The following CDH13 variants were observed in gnomAD, a reference collection of about 807,000 sequenced individuals.
CDH13 encodes the protein cadherin-13.
A neutral mutation model predicts 63.8 loss-of-function variants in CDH13; 24 were observed. The ratio of observed to expected loss-of-function variants is 0.38; its 90% confidence interval spans 0.27 to 0.53. CDH13 has a LOEUF of 0.53. Among genes scored for constraint, CDH13 ranks in the 20% least tolerant of loss-of-function variants. The pLI is 0.85. For missense variants in CDH13, 1,049 were observed against 903.1 expected (o/e 1.16, Z -2.07); for synonymous variants, 503 against 355.3 (o/e 1.42, Z -4.67).
chr16:83,112,913 G>A (rs1182442893), intron 3 of CDH13, among the ~76,000 whole-genome samples: 1 of 152,124 alleles, frequency 6.6e-6, no homozygotes, highest in Non-Finnish European at 1.5e-5. Context: ...TTTAAGACCG[G>A]CTTATAAATT....
At chr16:83,123,504 C>G (rs778517406) in intron 3 of CDH13, among the ~76,000 whole-genome samples, 1 of 152,108 alleles carries the variant, frequency 6.6e-6, no homozygotes, top group Non-Finnish European at 1.5e-5. Context: ...GTCTCAAACT[C>G]CCAACCTCAG....
intron 5 of CDH13, among the ~76,000 whole-genome samples, chr16:83,278,117 T>C (rs997567231): frequency 6.6e-6 from 1 of 151,340 alleles, no homozygotes; most frequent in African/African-American, 2.4e-5. Flanking sequence ...TGCTTTCCTT[T>C]AAAAAAAAAT....
intron 5 of CDH13, among the ~76,000 whole-genome samples, chr16:83,235,847 CTTTT>C (rs1362177649): frequency 6.6e-6 from 1 of 151,922 alleles, no homozygotes; most frequent in Non-Finnish European, 1.5e-5. Context: ...ACACTTTTTT[CTTTT>C]TTGTCACTCA....
At chr16:83,036,830 C>T (rs987959993) in intron 3 of CDH13, among the ~76,000 whole-genome samples, 2 of 152,154 alleles carry the variant, frequency 1.3e-5, no homozygotes, top group Admixed American at 6.6e-5. Context: ...TTTGGCTCCA[C>T]CTCAAGGATT....
intron 3 of CDH13, among the ~76,000 whole-genome samples, chr16:83,098,555 C>A (rs774501811): frequency 1.3e-5 from 2 of 152,172 alleles, no homozygotes; most frequent in African/African-American, 2.4e-5. Context: ...TGAATTCCTT[C>A]GCCTTTTGTA....
rs181105476 is a variant in CDH13, at chr16:83,356,165, T to C, written c.781+11159T>C. ...GTAATTCCAAAGTTGCTACCTTAAA[T>C]GTAAGAGAGCATTTTCTTACACAGA... On this transcript the variant is annotated intron_variant, in intron 6 of 13. Coordinates refer to ENST00000567109, the MANE Select transcript of CDH13 (RefSeq NM_001257.5). Among the ~76,000 whole-genome samples the C allele has an allele frequency of 4.8e-3, 725 of 152,116 alleles. 9 individuals are homozygous for C. The highest frequency in any genetic ancestry group is 0.017 in the African/African-American group (690 of 41,524).
intron 4 of CDH13, among the ~76,000 whole-genome samples, chr16:83,163,108 T>C (rs887010306): frequency 6.6e-6 from 1 of 152,216 alleles, no homozygotes; most frequent in African/African-American, 2.4e-5. Flanking sequence ...AATGAGAATT[T>C]CCCTGCACAA....
intron 3 of CDH13, among the ~76,000 whole-genome samples, chr16:83,087,019 T>C (rs1351446515): frequency 6.6e-6 from 1 of 152,228 alleles, no homozygotes; most frequent in Admixed American, 6.5e-5. Flanking sequence ...AAACTGGCTT[T>C]GGCGGACTAA....
At chr16:83,065,988 C>T (rs945256658) in intron 3 of CDH13, among the ~76,000 whole-genome samples, 2 of 152,194 alleles carry the variant, frequency 1.3e-5, no homozygotes, top group Non-Finnish European at 2.9e-5. Flanking sequence ...AAAACAACCA[C>T]CTTCACTCCT....
chr16:83,415,274 T>C (rs533328467), intron 6 of CDH13, among the ~76,000 whole-genome samples: 4 of 152,150 alleles, frequency 2.6e-5, no homozygotes, highest in African/African-American at 9.7e-5. Context: ...ATAGGGAGAT[T>C]GAATCGGTAA....
intron 2 of CDH13, among the ~76,000 whole-genome samples, chr16:82,978,224 T>C (rs1485974085): frequency 1.3e-5 from 2 of 152,178 alleles, no homozygotes; most frequent in African/African-American, 2.4e-5. Flanking sequence ...TTGGAACTTA[T>C]GTTTAAAAGG....
At chr16:82,775,773 A>G (rs557297235) in intron 1 of CDH13, among the ~76,000 whole-genome samples, 44 of 152,312 alleles carry the variant, frequency 2.9e-4, no homozygotes, top group African/African-American at 9.1e-4. Context: ...GGCACAGTGT[A>G]CACCCTTGCA....
At chr16:82,637,679 C>G (rs550828981) in intron 1 of CDH13, 3 of 151,836 alleles carry the variant, frequency 2.0e-5, no homozygotes, top group African/African-American at 7.3e-5. Flanking sequence ...CCTCGTGATC[C>G]GCCAGCCTCA....
At chr16:83,136,203 T>G (rs6565129) in intron 4 of CDH13, among the ~76,000 whole-genome samples, 51,205 of 150,252 alleles carry the variant, frequency 0.34, 9,245 homozygotes, top group African/African-American at 0.45. Flanking sequence ...ATAGACTTTG[T>G]CTGGGCACGG....
chr16:83,505,802 C>A (rs993614015), intron 7 of CDH13, among the ~76,000 whole-genome samples: 3 of 152,104 alleles, frequency 2.0e-5, no homozygotes, highest in African/African-American at 7.2e-5. Flanking sequence ...CTTGGCCTCC[C>A]AAAATGCCTA....
chr16:83,292,600 C>A (rs1440485209), intron 5 of CDH13, among the ~76,000 whole-genome samples: 1 of 152,130 alleles, frequency 6.6e-6, no homozygotes, highest in African/African-American at 2.4e-5. Context: ...ATACCTCTCC[C>A]AGATGAGGCC....
At chr16:83,297,254 G>C (rs78794145) in intron 5 of CDH13, among the ~76,000 whole-genome samples, 10,562 of 152,116 alleles carry the variant, frequency 0.069, 513 homozygotes, top group Non-Finnish European at 0.11. Context: ...ACAAAGAAAT[G>C]GCAAGTGTTT....
intron 5 of CDH13, among the ~76,000 whole-genome samples, chr16:83,333,974 A>G (rs2090532386): frequency 6.6e-6 from 1 of 152,104 alleles, no homozygotes; most frequent in Admixed American, 6.5e-5. Context: ...AGAATCCAAC[A>G]TGTGTCAGGG....
intron 7 of CDH13, among the ~76,000 whole-genome samples, chr16:83,545,863 C>T (rs1017728078): frequency 6.6e-6 from 1 of 152,154 alleles, no homozygotes; most frequent in African/African-American, 2.4e-5. Context: ...TTGATGGCTC[C>T]CTTTCTTTGA....
Sources: gnomAD v4.1 joint callset for allele counts (sites outside exome capture counted in the v4.1 genomes callset) on GRCh38, gnomAD v4.1.1 for gene constraint, MANE v1.5 for transcripts, NCBI Gene and HGNC (gene_info 2026-07-23, HGNC 2026-07-21) for gene names.